Variants in DENND5B observed in about 807,000 individuals in gnomAD.
DENND5B encodes DENN domain containing 5B.
DENND5B carries 34 observed loss-of-function variants against 140.6 expected under a neutral mutation model. That is an observed-to-expected ratio of 0.24 (90% CI 0.18 to 0.32). DENND5B has a LOEUF of 0.32. DENND5B is among the 10% of genes least tolerant of loss of function. DENND5B has a pLI of 1.00. For missense variants in DENND5B, 1,142 were observed against 1,560.2 expected, an observed-to-expected ratio of 0.73 and a Z score of 4.52; for synonymous variants, 551 against 562.1, an observed-to-expected ratio of 0.98 and a Z score of 0.28.
intron 6 of DENND5B, among the ~76,000 whole-genome samples, chr12:31,443,590 A>T (rs1418545526): frequency 6.6e-6 from 1 of 152,204 alleles, no homozygotes; most frequent in Non-Finnish European, 1.5e-5. Context: ...TTCTAAGTAC[A>T]ACATTAAAGA....
chr12:31,574,294 TA>T (rs1592078314), intron 1 of DENND5B, among the ~76,000 whole-genome samples: 3 of 146,448 alleles, frequency 2.0e-5, no homozygotes, highest in Non-Finnish European at 1.5e-5. Flanking sequence ...ATAATAATAA[TA>T]ATTTAAAAGG....
At chr12:31,435,368 A>G (rs1943697615) in intron 7 of DENND5B, among the ~76,000 whole-genome samples, 1 of 152,140 alleles carries the variant, frequency 6.6e-6, no homozygotes, top group Non-Finnish European at 1.5e-5. Context: ...CCAAGGCTCA[A>G]AACTGTGTCT....
intron 17 of DENND5B, among the ~76,000 whole-genome samples, chr12:31,394,598 A>G (rs1397940211): frequency 6.7e-6 from 1 of 148,972 alleles, no homozygotes; most frequent in Non-Finnish European, 1.5e-5. Context: ...CATCATCCCC[A>G]AAAGTTACCC....
intron 7 of DENND5B, among the ~76,000 whole-genome samples, chr12:31,434,171 A>T (rs1338998520): frequency 1.3e-5 from 2 of 152,192 alleles, no homozygotes; most frequent in Admixed American, 1.3e-4. Context: ...CAGTATCAAA[A>T]TATGCAGGAC....
intron 8 of DENND5B, 181 bp from the exon 9 acceptor site, chr12:31,426,605 T>TAAC (rs1459057006): frequency 1.8e-6 from 1 of 559,142 alleles, no homozygotes; most frequent in East Asian, 3.3e-5. Context: ...TGCCACCCCA[T>TAAC]AACAACTGTT....
rs541291271 is a variant in DENND5B at position 31,590,643 on chromosome 12, G to A, written c.127+63C>T. The A allele has an allele frequency of 2.7e-5, 37 of 1,383,820 alleles. No individual in the cohort carries two copies. In the South Asian group the frequency reaches 5.5e-4, roughly 20 times the overall value. 85.7% of individuals were successfully genotyped at this position (1,383,820 alleles called of 1,614,324 possible). On this transcript the variant is annotated intron_variant, in intron 1 of 20. Transcript: ENST00000389082. ...CTGGAGCCTGCACCCCGCCTCCCGC[G>A]CGTCCCCACAGCGTCCCCCGCGCCC...
chr12:31,541,500 A>G (rs755352800), intron 1 of DENND5B, among the ~76,000 whole-genome samples: 1 of 152,236 alleles, frequency 6.6e-6, no homozygotes, highest in Non-Finnish European at 1.5e-5. Context: ...ACAATGAGAT[A>G]TAATCTCATC....
At chr12:31,488,580 AG>A (rs1395286953) in intron 2 of DENND5B, among the ~76,000 whole-genome samples, 1 of 152,206 alleles carries the variant, frequency 6.6e-6, no homozygotes, top group Non-Finnish European at 1.5e-5. Flanking sequence ...AATCAAAAAA[AG>A]TAAGAACTAT....
chr12:31,452,397 T>C lies in DENND5B; in HGVS notation c.1172A>G (p.Asp391Gly), dbSNP rs1209758315. Reference sequence around the variant, plus strand: ...AACCTCAGAGAGTTCTTGGATAAAATCCACTTTATTGGGGAACTGTGGAAA... The same window carrying C: ...AACCTCAGAGAGTTCTTGGATAAAACCCACTTTATTGGGGAACTGTGGAAA... Reference protein sequence around the residue: ...EEFPQFPNKVDFIQELSEVLV... With the variant: ...EEFPQFPNKVGFIQELSEVLV... Residue 391 changes from aspartate to glycine, a missense_variant, in exon 5 of 21, where the codon GAT becomes GGT. Asp to Gly is a moderately conservative substitution (Grantham distance 94). This residue lies in a region of DENND5B where 708 missense variants were observed against 905.5 expected (regional missense o/e 0.78). Transcript: ENST00000389082. 6.2e-7 allele frequency: 1 copy of C among 1,613,810 alleles called. No individual in the cohort carries two copies. The highest frequency in any genetic ancestry group is 1.1e-5 in the South Asian group (1 of 91,032).
intron 6 of DENND5B, among the ~76,000 whole-genome samples, chr12:31,444,922 A>G (rs1254160854): frequency 6.6e-6 from 1 of 152,222 alleles, no homozygotes; most frequent in Non-Finnish European, 1.5e-5. Flanking sequence ...ATGGTTACAT[A>G]AAAGACATCA....
Position 31,473,083 on chromosome 12 carries a change from T to G in DENND5B, c.904+6506A>C, listed in dbSNP as rs373013688. ...CCCCTGTAGTAGATGAGACTACAGG[T>G]GCACACTACCATGCCTAGCTAATTT... On this transcript the variant is annotated intron_variant, in intron 3 of 20. Coordinates refer to ENST00000389082, the MANE Select transcript of DENND5B (RefSeq NM_144973.4). Among the ~76,000 whole-genome samples the G allele has an allele frequency of 3.9e-5, 6 of 152,244 alleles. No homozygotes were observed. The East Asian group carries it at 1.2e-3, about 29-fold the overall frequency.
At chr12:31,583,232 C>T (rs1272820787) in intron 1 of DENND5B, among the ~76,000 whole-genome samples, 4 of 149,870 alleles carry the variant, frequency 2.7e-5, no homozygotes, top group East Asian at 2.0e-4. Flanking sequence ...GCGGAGATTG[C>T]AGTGAGGAGA....
intron 1 of DENND5B, among the ~76,000 whole-genome samples, chr12:31,505,005 G>A (rs535733718): frequency 4.6e-5 from 7 of 152,192 alleles, no homozygotes; most frequent in South Asian, 4.1e-4. Flanking sequence ...TACACTAAAC[G>A]TGAATGAGAA....
At chr12:31,446,651 C>T (rs1944286184) in intron 6 of DENND5B, among the ~76,000 whole-genome samples, 1 of 151,988 alleles carries the variant, frequency 6.6e-6, no homozygotes, top group Non-Finnish European at 1.5e-5. Flanking sequence ...AATCCCAGCA[C>T]TTTGGGAGGC....
intron 11 of DENND5B, among the ~76,000 whole-genome samples, chr12:31,419,253 T>A (rs1942907192): frequency 6.6e-6 from 1 of 152,234 alleles, no homozygotes; most frequent in African/African-American, 2.4e-5. Flanking sequence ...ATGGATTTAA[T>A]TCTTGGCTAC....
chr12:31,470,428 T>C (rs1002382690), intron 3 of DENND5B, among the ~76,000 whole-genome samples: 1 of 151,948 alleles, frequency 6.6e-6, no homozygotes, highest in African/African-American at 2.4e-5. Context: ...TTTTAATTTT[T>C]TTGTAGAGAC....
At chr12:31,413,327 C>A in intron 13 of DENND5B, 109 bp downstream of exon 13, 1 of 1,326,706 alleles carries the variant, frequency 7.5e-7, no homozygotes, top group Non-Finnish European at 1.0e-6. Context: ...AATGCATGTG[C>A]ACAGGATACA....
chr12:31,388,224 T>C (rs1205123379), intron 20 of DENND5B, among the ~76,000 whole-genome samples: 3 of 119,498 alleles, frequency 2.5e-5, no homozygotes, highest in African/African-American at 9.0e-5. Flanking sequence ...TGTAGGGACT[T>C]GCTTTTTTTT....
intron 17 of DENND5B, among the ~76,000 whole-genome samples, chr12:31,397,111 A>T (rs1451461609): frequency 6.6e-6 from 1 of 152,242 alleles, no homozygotes; most frequent in African/African-American, 2.4e-5. Context: ...AGTATAAATT[A>T]GAAGTTTACT....
Sources: allele counts gnomAD v4.1 joint callset (sites outside exome capture counted in the v4.1 genomes callset), GRCh38; gene constraint gnomAD v4.1.1; regional missense constraint gnomAD v4.1.1; transcripts MANE v1.5; gene names NCBI Gene and HGNC (gene_info 2026-07-23, HGNC 2026-07-21).